Variants in SPATA13 observed in about 807,000 individuals in gnomAD.
The protein encoded by SPATA13 is spermatogenesis associated 13, also known as spermatogenesis-associated protein 13.
In SPATA13, 50 loss-of-function variants were observed where a neutral mutation model predicts 104.0. The ratio of observed to expected loss-of-function variants is 0.48; its 90% CI spans 0.38 to 0.61. SPATA13 has a LOEUF of 0.61. Ranked by LOEUF, SPATA13 falls within the 20% of genes least tolerant of loss-of-function variation. The pLI, the probability that SPATA13 is intolerant of heterozygous loss-of-function variation, is 0.00. For missense variants in SPATA13, 1,524 were observed against 1,690.6 expected, an observed-to-expected ratio of 0.90 and a Z score of 1.73; for synonymous variants, 606 against 667.5, an observed-to-expected ratio of 0.91 and a Z score of 1.42.
At chr13:24,113,169 T>C (rs1880703864) in intron 3 of SPATA13, among the ~76,000 whole-genome samples, 1 of 152,274 alleles carries the variant, frequency 6.6e-6, no homozygotes, top group Non-Finnish European at 1.5e-5. Flanking sequence ...TGTAAACCAC[T>C]ATGTGCAAAC....
At chr13:24,291,758 T>TTC (rs1876385548) in intron 9 of SPATA13, among the ~76,000 whole-genome samples, 2 of 132,980 alleles carry the variant, frequency 1.5e-5, no homozygotes. Flanking sequence ...ATTTTTTTAT[T>TTC]TTTTTTTTTG....
intron 2 of SPATA13, among the ~76,000 whole-genome samples, chr13:24,230,396 TGAA>T (rs1390777022): frequency 6.6e-6 from 1 of 152,108 alleles, no homozygotes; most frequent in African/African-American, 2.4e-5. Context: ...GGCGGCAGAA[TGAA>T]GAACTCTGGC....
At position 24,223,782 on chromosome 13, in the gene SPATA13, G is replaced by A; in HGVS notation, c.853G>A (p.Val285Ile). 25 of 1,551,818 alleles carry A rather than the reference G, an allele frequency of 1.6e-5. No individual in the cohort carries two copies. Among genetic ancestry groups the A allele is most frequent in the Non-Finnish European group, 2.2e-5 (25 of 1,147,014 alleles). ...CCTCAGGACGGCCCATGACGCACGG[G>A]TACCACAGAGGACCCTGAGCAGTTC... ...ADLRTAHDAR[V>I]PQRTLSSSST... Residue 285 changes from valine (V) to isoleucine (I), a missense_variant, in exon 2 of 13, where the codon GTA (valine) becomes ATA (isoleucine). Val to Ile is a conservative substitution (Grantham distance 29, BLOSUM62 3). This residue lies in a region of SPATA13 where 1,089 missense variants were observed against 1,135.9 expected (regional missense o/e 0.96). Coordinates refer to ENST00000382108, the MANE Select transcript of SPATA13 (RefSeq NM_001166271.3).
At position 24,290,839 on chromosome 13, in the gene SPATA13, C is replaced by A. The variant is rs375839910; in HGVS notation, c.3035C>A (p.Pro1012Gln). The A allele has an allele frequency of 6.2e-7, 1 of 1,614,126 alleles. No individual in the cohort carries two copies. The highest frequency in any genetic ancestry group is 8.5e-7 in the Non-Finnish European group (1 of 1,180,018). Reference sequence around the variant, plus strand: ...CCAGTGCAGAAGATCTGCAAATACCCGCTGCAGCTGGCCGAGCTGCTCAAG... The same window carrying A: ...CCAGTGCAGAAGATCTGCAAATACCAGCTGCAGCTGGCCGAGCTGCTCAAG... ...LTPVQKICKY[P>Q]LQLAELLKYT... Residue 1012 changes from proline (P) to glutamine (Q), a missense_variant, in exon 9 of 13, where the codon CCG becomes CAG. Pro to Gln is a moderately conservative substitution (Grantham distance 76). Transcript: ENST00000382108.
intron 3 of SPATA13, chr13:24,123,658 CA>C: frequency 6.3e-7 from 1 of 1,598,402 alleles, no homozygotes; most frequent in Non-Finnish European, 8.6e-7. Flanking sequence ...TCAAACACAT[CA>C]AACTTCATGC....
intron 1 of SPATA13, among the ~76,000 whole-genome samples, chr13:24,184,762 C>A (rs1040440946): frequency 6.6e-6 from 1 of 152,046 alleles, no homozygotes; most frequent in African/African-American, 2.4e-5. Context: ...CATGGTATGA[C>A]CTCTCTGGTG....
chr13:24,187,847 A>G (rs1160663019), intron 1 of SPATA13, among the ~76,000 whole-genome samples: 5 of 152,184 alleles, frequency 3.3e-5, no homozygotes, highest in Admixed American at 1.3e-4. Flanking sequence ...AAGTAGGCCA[A>G]TTAATAACTC....
At chr13:24,093,335 G>A (rs549872771) in intron 3 of SPATA13, among the ~76,000 whole-genome samples, 1 of 152,338 alleles carries the variant, frequency 6.6e-6, no homozygotes, top group East Asian at 1.9e-4. Context: ...CCAGGCACCA[G>A]TATCCCACTG....
At chr13:24,287,726 A>G (rs1876059477) in intron 7 of SPATA13, among the ~76,000 whole-genome samples, 1 of 152,214 alleles carries the variant, frequency 6.6e-6, no homozygotes, top group Admixed American at 6.5e-5. Flanking sequence ...CTACTTGGCA[A>G]CAAATTTTAT....
intron 1 of SPATA13, among the ~76,000 whole-genome samples, chr13:24,203,070 C>G (rs998699110): frequency 1.3e-5 from 2 of 151,970 alleles, no homozygotes; most frequent in African/African-American, 4.8e-5. Flanking sequence ...GCAGATCATC[C>G]CATCCCTAGG....
chr13:24,050,271 T>C (rs1878295852), intron 3 of SPATA13, among the ~76,000 whole-genome samples: 1 of 152,230 alleles, frequency 6.6e-6, no homozygotes, highest in African/African-American at 2.4e-5. Context: ...AAATAGAAAG[T>C]TGATTTTTAG....
chr13:24,039,573 C>T (rs115243840), intron 3 of SPATA13, among the ~76,000 whole-genome samples: 1 of 152,150 alleles, frequency 6.6e-6, no homozygotes, highest in Non-Finnish European at 1.5e-5. Context: ...TTCTTTCTCA[C>T]TCTCAATAGG....
At position 24,287,862 on chromosome 13, in the gene SPATA13, G is replaced by A. The variant is rs1005556587; in HGVS notation, c.2667+912G>A. ...CGAGCATCACACTACACTGCTGTTC[G>A]CCCTGTCTGCTCATTACGGCTCTCC... is the stretch of plus-strand genomic sequence containing the variant. On this transcript the variant is annotated intron_variant, in intron 7 of 12. Coordinates refer to ENST00000382108, the MANE Select transcript of SPATA13 (RefSeq NM_001166271.3). Among the ~76,000 whole-genome samples the A allele has an allele frequency of 4.6e-5, 7 of 152,282 alleles. No homozygotes were observed. In the East Asian group the frequency reaches 5.8e-4, roughly 13 times the overall value.
chr13:24,003,831 T>C (rs1876090707), intron 2 of SPATA13, among the ~76,000 whole-genome samples: 1 of 152,214 alleles, frequency 6.6e-6, no homozygotes, highest in African/African-American at 2.4e-5. Context: ...ACTCACATAT[T>C]TAATACAATA....
intron 3 of SPATA13, among the ~76,000 whole-genome samples, chr13:24,150,550 GA>G: frequency 6.6e-6 from 1 of 152,196 alleles, no homozygotes; most frequent in South Asian, 2.1e-4. Flanking sequence ...AATATTGATT[GA>G]TTTTTTTTTT....
intron 3 of SPATA13, among the ~76,000 whole-genome samples, chr13:24,137,531 G>A (rs149541211): frequency 4.1e-4 from 62 of 152,240 alleles, no homozygotes; most frequent in African/African-American, 1.4e-3. Flanking sequence ...AGGCTGAGGC[G>A]GGAGGATCAC....
intron 2 of SPATA13, among the ~76,000 whole-genome samples, chr13:23,984,678 G>A (rs917530651): frequency 6.6e-6 from 1 of 152,212 alleles, no homozygotes; most frequent in African/African-American, 2.4e-5. Flanking sequence ...CAAGGAACAC[G>A]GAAAGTGTTC....
At chr13:24,263,880 T>C (rs1370164333) in intron 4 of SPATA13, among the ~76,000 whole-genome samples, 1 of 152,218 alleles carries the variant, frequency 6.6e-6, no homozygotes, top group African/African-American at 2.4e-5. Flanking sequence ...AATCCCTGTC[T>C]TCTGACTGCT....
At chr13:24,270,755 T>C (rs1041031348) in intron 4 of SPATA13, 2 of 1,587,280 alleles carry the variant, frequency 1.3e-6, no homozygotes, top group African/African-American at 1.3e-5. Context: ...TTTCTGCAGT[T>C]CCCGTAGCTG....
Sources: gnomAD v4.1 joint callset for allele counts (sites outside exome capture counted in the v4.1 genomes callset) on GRCh38, gnomAD v4.1.1 for gene constraint, gnomAD v4.1.1 regional missense constraint, MANE v1.5 for transcripts, NCBI Gene and HGNC (gene_info 2026-07-23, HGNC 2026-07-21) for gene names.